ZNF823: variants seen among roughly 807,000 people sequenced by gnomAD.
ZNF823 encodes the protein ZFP 36 for a zinc finger protein.
Under a neutral mutation model 11.4 loss-of-function variants are expected in ZNF823, and 5 were observed. The observed-to-expected ratio is 0.44, with a 90% confidence interval of 0.23 to 0.92. The LOEUF (loss-of-function observed/expected upper bound fraction) is 0.92, where lower values mean the gene tolerates loss of function less well. ZNF823 is among the 40% of genes least tolerant of loss of function. ZNF823 has a pLI of 0.24. For synonymous variants in ZNF823, 234 were observed against 250.5 expected, an observed-to-expected ratio of 0.93 and a Z score of 0.62; for missense variants, 582 against 738.5, an observed-to-expected ratio of 0.79 and a Z score of 2.46.
chr19:11,737,093 T>C (rs1975004141), intron 1 of ZNF823, among the ~76,000 whole-genome samples: 1 of 152,146 alleles, frequency 6.6e-6, no homozygotes, highest in Non-Finnish European at 1.5e-5. Context: ...TTAGCAGCTA[T>C]GAGCATCTTG....
At position 11,725,876 on chromosome 19, in the gene ZNF823, C is replaced by G. The variant is rs187551146; in HGVS notation, c.4-549G>C. The G allele has an allele frequency of 1.7e-3, 260 of 154,140 alleles. 1 individual carries two copies. Among genetic ancestry groups the G allele is most frequent in the African/African-American group, 6.1e-3 (255 of 41,508 alleles). 9.5% of individuals were successfully genotyped at this position (154,140 alleles called of 1,614,324 possible). A position where few individuals can be genotyped will look rare whatever the true frequency, so the allele number is the denominator to read the frequency against. On this transcript the variant is annotated intron_variant, in intron 1 of 3. Coordinates refer to ENST00000341191, the MANE Select transcript of ZNF823 (RefSeq NM_001080493.4). ...TTGCAGGGCCAAAGTGGAAGGATCA[C>G]TTAAGAACAGGAGTTTAGGACCAGC...
chr19:11,738,130 TGA>T (rs1397738111), intron 1 of ZNF823, among the ~76,000 whole-genome samples: 2 of 152,172 alleles, frequency 1.3e-5, no homozygotes, highest in African/African-American at 2.4e-5. Context: ...GCCGCCTCCC[TGA>T]GAGTCAGGTC....
intron 1 of ZNF823, chr19:11,730,347 T>C (rs1974871192): frequency 6.6e-6 from 1 of 151,144 alleles, no homozygotes; most frequent in African/African-American, 2.4e-5. Context: ...CTCTGGGAGG[T>C]TGGAGTGGGA....
intron 1 of ZNF823, among the ~76,000 whole-genome samples, chr19:11,729,606 GT>G (rs1221668095): frequency 6.6e-6 from 1 of 152,112 alleles, no homozygotes; most frequent in Non-Finnish European, 1.5e-5. Flanking sequence ...CTTGCATTTT[GT>G]TGAGTTGCTT....
Position 11,722,164 on chromosome 19 carries a change from G to C in ZNF823, c.1370C>G (p.Ser457Cys). The stretch of plus-strand genomic sequence containing the variant: ...GTGAGTTGTCTCATGATTTTGAAAG[G>C]AAGAGAGATCACTAAAGGCTTTCCC... ...QCGKAFSDLS[S>C]FQNHETTHTG... Residue 457 changes from serine (S) to cysteine (C), a missense_variant, in exon 4 of 4, where the codon TCC (serine) becomes TGC (cysteine). By Grantham distance (112) the Ser-to-Cys change is moderately radical (BLOSUM62 -1). Transcript: ENST00000341191. This position sits in a 1 kb window ranked among gnomAD's most constrained non-coding sequence, Gnocchi z 5.2. 1 of 1,614,060 alleles carries C rather than the reference G, an allele frequency of 6.2e-7. No homozygotes were observed. Among genetic ancestry groups the C allele is most frequent in the Non-Finnish European group, 8.5e-7 (1 of 1,180,016 alleles).
chr19:11,736,771 T>C (rs1410351428), intron 1 of ZNF823, among the ~76,000 whole-genome samples: 1 of 152,164 alleles, frequency 6.6e-6, no homozygotes, highest in Non-Finnish European at 1.5e-5. Context: ...GTTCAGGTCC[T>C]CTTATCACTT....
chr19:11,726,287 C>CATATATATATATATATAT (rs139368397), intron 1 of ZNF823, among the ~76,000 whole-genome samples: 17 of 112,226 alleles, frequency 1.5e-4, no homozygotes, highest in African/African-American at 4.4e-4. Context: ...ATAAAAAATA[C>CATATATATATATATATAT]ATATATATAT....
intron 1 of ZNF823, 107 bp from the exon 2 acceptor site, chr19:11,725,434 T>C: frequency 6.7e-7 from 1 of 1,497,740 alleles, no homozygotes; most frequent in South Asian, 1.2e-5. Context: ...AAGCATTTAT[T>C]CGATGACATA....
intron 1 of ZNF823, among the ~76,000 whole-genome samples, chr19:11,728,207 G>A (rs1216412091): frequency 2.6e-5 from 4 of 152,064 alleles, no homozygotes; most frequent in African/African-American, 9.7e-5. Flanking sequence ...ATCAGTGATG[G>A]AACCCAATCA....
At chr19:11,735,281 CAAAAA>C (rs60923876) in intron 1 of ZNF823, among the ~76,000 whole-genome samples, 3 of 99,362 alleles carry the variant, frequency 3.0e-5, no homozygotes, top group South Asian at 3.7e-4. Context: ...TTTCAAAAAA[CAAAAA>C]AAAAAAAAAA....
chr19:11,724,287 T>A, intron 2 of ZNF823, 33 bp from the exon 3 acceptor site: 2 of 1,572,618 alleles, frequency 1.3e-6, no homozygotes, highest in Non-Finnish European at 8.6e-7. Flanking sequence ...TCACTAAAAA[T>A]GTTTACAAAA....
At position 11,722,563 on chromosome 19, in the gene ZNF823, A is replaced by G; in HGVS notation, c.971T>C (p.Ile324Thr). 6.2e-7 allele frequency: 1 copy of G among 1,614,012 alleles called. No individual in the cohort carries two copies. The change falls in exon 4 of 4, where the codon ATA becomes ACA. Residue 324 changes from isoleucine to threonine, a missense_variant. Around this residue, in one of 3 missense-constraint regions of ZNF823, gnomAD observed 429 missense variants for 553.7 expected, o/e 0.77. Transcript: ENST00000341191. This position sits in a 1 kb window ranked among gnomAD's most constrained non-coding sequence, Gnocchi z 5.2. Reference protein sequence around the residue: ...YHHTSFRRHMIRHTGDGPHKC... With the variant: ...YHHTSFRRHMTRHTGDGPHKC... ...ATGTGGTCCGTCTCCAGTGTGCCTTATCATGTGTCTTCGAAAGCTTGTGTG... is the reference window on the plus strand; with the variant it reads ...ATGTGGTCCGTCTCCAGTGTGCCTTGTCATGTGTCTTCGAAAGCTTGTGTG...
intron 1 of ZNF823, among the ~76,000 whole-genome samples, chr19:11,735,964 G>C (rs1050942109): frequency 6.6e-6 from 1 of 152,080 alleles, no homozygotes; most frequent in East Asian, 1.9e-4. Flanking sequence ...TTAGCTGTTG[G>C]AAAGTCCTGT....
At chr19:11,732,009 CAAAAAAA>C in intron 1 of ZNF823, among the ~76,000 whole-genome samples, 1 of 96,942 alleles carries the variant, frequency 1.0e-5, no homozygotes, top group South Asian at 3.2e-4. Flanking sequence ...AACTCCGTCT[CAAAAAAA>C]AAAAAAAAAA....
At chr19:11,733,461 G>T (rs1365992742) in intron 1 of ZNF823, among the ~76,000 whole-genome samples, 1 of 152,130 alleles carries the variant, frequency 6.6e-6, no homozygotes, top group Non-Finnish European at 1.5e-5. Context: ...AGCACTTTGG[G>T]AGGCCGAGGT....
chr19:11,735,274 CAAAAAACA>C (rs1477655102), intron 1 of ZNF823, among the ~76,000 whole-genome samples: 2 of 55,830 alleles, frequency 3.6e-5, no homozygotes, highest in African/African-American at 1.3e-4. Flanking sequence ...GACTCCATTT[CAAAAAACA>C]AAAAAAAAAA....
Position 11,722,848 on chromosome 19 carries a change from A to T in ZNF823, c.686T>A (p.Phe229Tyr). The change falls in exon 4 of 4, where the codon TTT becomes TAT. Residue 229 changes from phenylalanine to tyrosine, a missense_variant. By Grantham distance (22) the Phe-to-Tyr change is conservative. Coordinates refer to ENST00000341191, the MANE Select transcript of ZNF823 (RefSeq NM_001080493.4). This position sits in a 1 kb window ranked among gnomAD's most constrained non-coding sequence, Gnocchi z 5.2. ...TCTTAGATAGGAACTGTAAAAAGGA[A>T]AGGCTTTAGAACACTGCTTACATTC... ...PYECKQCSKA[F>Y]PFYSSYLRHE... is the part of the protein sequence containing the mutation. The T allele has an allele frequency of 6.2e-7, 1 of 1,614,050 alleles. No homozygotes were observed. The highest frequency in any genetic ancestry group is 8.5e-7 in the Non-Finnish European group (1 of 1,179,998).
At chr19:11,736,811 T>C (rs1164356526) in intron 1 of ZNF823, among the ~76,000 whole-genome samples, 3 of 152,070 alleles carry the variant, frequency 2.0e-5, no homozygotes, top group Non-Finnish European at 4.4e-5. Flanking sequence ...TGCTGCTCAC[T>C]GAACTGCTGA....
Position 11,722,610 on chromosome 19 carries a change from T to C in ZNF823, c.924A>G (p.Gln308=), listed in dbSNP as rs750387585. ...HTGEQPYACK[Q]CGKTFYHHTS... is the part of the protein sequence containing the mutation. The stretch of plus-strand genomic sequence containing the variant: ...TGTGATGATAAAACGTTTTCCCACA[T>C]TGCTTACATGCATAGGGTTGTTCTC... Residue 308 remains glutamine (Q), a synonymous_variant, in exon 4 of 4, where the codon CAA becomes CAG. Coordinates refer to ENST00000341191, the MANE Select transcript of ZNF823 (RefSeq NM_001080493.4). This position sits in a 1 kb window ranked among gnomAD's most constrained non-coding sequence, Gnocchi z 5.2. 8.1e-6 allele frequency: 13 copies of C among 1,614,032 alleles called. No homozygotes were observed. Among genetic ancestry groups the C allele is most frequent in the Admixed American group, 1.7e-5 (1 of 60,004 alleles).
Sources: gnomAD v4.1 joint callset for allele counts (sites outside exome capture counted in the v4.1 genomes callset) on GRCh38, gnomAD v4.1.1 for gene constraint, gnomAD v4.1.1 regional missense constraint, Gnocchi (gnomAD v3.1) non-coding constraint, MANE v1.5 for transcripts, NCBI Gene and HGNC (gene_info 2026-07-23, HGNC 2026-07-21) for gene names.